Variants in VKORC1L1 observed in about 807,000 individuals in gnomAD.
VKORC1L1 encodes the protein vitamin K epoxide reductase complex subunit 1L1.
In VKORC1L1, 2 loss-of-function variants were observed where a neutral mutation model predicts 18.9. The observed-to-expected ratio is 0.11, with a 90% confidence interval of 0.04 to 0.33. The LOEUF is 0.33. Ranked by LOEUF, VKORC1L1 falls within the 10% of genes least tolerant of loss-of-function variation. The pLI, the probability that VKORC1L1 is intolerant of heterozygous loss-of-function variation, is 1.00. For synonymous variants in VKORC1L1, 96 were observed against 100.0 expected, an observed-to-expected ratio of 0.96 and a Z score of 0.24; for missense variants, 123 against 224.1, an observed-to-expected ratio of 0.55 and a Z score of 2.88.
At chr7:65,910,206 C>A (rs1180797877) in intron 1 of VKORC1L1, among the ~76,000 whole-genome samples, 1 of 152,124 alleles carries the variant, frequency 6.6e-6, no homozygotes, top group African/African-American at 2.4e-5. Flanking sequence ...CTCCTCAGTA[C>A]CATTGTTTTA....
chr7:65,897,299 A>T (rs1789230471), intron 1 of VKORC1L1, among the ~76,000 whole-genome samples: 2 of 152,324 alleles, frequency 1.3e-5, no homozygotes, highest in South Asian at 2.1e-4. Flanking sequence ...AAAGCATTTT[A>T]AAAATACCCG....
At chr7:65,935,850 A>G (rs1368135423) in intron 1 of VKORC1L1, among the ~76,000 whole-genome samples, 1 of 152,050 alleles carries the variant, frequency 6.6e-6, no homozygotes, top group Non-Finnish European at 1.5e-5. Flanking sequence ...CTATTTTTTC[A>G]TACCTTTTTG....
rs548591072 is a variant in VKORC1L1 at position 65,922,190 on chromosome 7, G to A, written c.195-26481G>A. Reference sequence around the variant, plus strand: ...TCCACAAGACATTTTGTTTGACATAGTATTCATTTAGTCTCCCTCGTATTT... The same window carrying A: ...TCCACAAGACATTTTGTTTGACATAATATTCATTTAGTCTCCCTCGTATTT... On this transcript the variant is annotated intron_variant, in intron 1 of 2. Transcript: ENST00000360768. 2.0e-4 allele frequency among the ~76,000 whole-genome samples: 30 copies of A among 151,376 alleles called. 1 individual carries two copies. The South Asian group carries it at 6.3e-3, about 32-fold the overall frequency.
intron 1 of VKORC1L1, among the ~76,000 whole-genome samples, chr7:65,934,864 C>T (rs1415832065): frequency 2.0e-5 from 3 of 152,100 alleles, no homozygotes; most frequent in African/African-American, 7.2e-5. Flanking sequence ...ACCAGCCTTG[C>T]CAACATAGTG....
chr7:65,890,657 A>G (rs1032678167), intron 1 of VKORC1L1, among the ~76,000 whole-genome samples: 19 of 152,226 alleles, frequency 1.2e-4, no homozygotes, highest in Admixed American at 9.2e-4. Flanking sequence ...CTTCAGTTTT[A>G]CTTGGTAATG....
intron 1 of VKORC1L1, among the ~76,000 whole-genome samples, chr7:65,919,568 G>A (rs1040740218): frequency 6.6e-6 from 1 of 152,048 alleles, no homozygotes; most frequent in African/African-American, 2.4e-5. Context: ...TCCAGTCTGC[G>A]AGCAAGTCTT....
chr7:65,944,514 G>C (rs1039805124), intron 1 of VKORC1L1, among the ~76,000 whole-genome samples: 1 of 151,988 alleles, frequency 6.6e-6, no homozygotes, highest in African/African-American at 2.4e-5. Context: ...TGTTTTTATA[G>C]TACCCTTTCT....
chr7:65,900,804 A>C (rs1488932784), intron 1 of VKORC1L1, among the ~76,000 whole-genome samples: 1 of 152,166 alleles, frequency 6.6e-6, no homozygotes, highest in Non-Finnish European at 1.5e-5. Flanking sequence ...GACTCTGCTA[A>C]AAATAATAAT....
rs1263422607 is a variant in VKORC1L1 at position 65,959,138 on chromosome 7, A to G, written c.*4838A>G. On this transcript the variant is annotated 3_prime_UTR_variant, in exon 3 of 3. Coordinates refer to ENST00000360768, the MANE Select transcript of VKORC1L1 (RefSeq NM_173517.6). ...GGCCAACATGGTGAAACCTGCCTCT[A>G]CTGAAAAATACAGAAAAATTAGCCA... 2.0e-5 allele frequency: 3 copies of G among 151,978 alleles called. No homozygotes were observed. Among genetic ancestry groups the G allele is most frequent in the South Asian group, 2.1e-4 (1 of 4,812 alleles). The allele number at this position is 151,978 out of a possible 1,614,324, so 9.4% of individuals were successfully genotyped here. A position where few individuals can be genotyped will look rare whatever the true frequency, so the allele number is the denominator to read the frequency against.
chr7:65,902,029 G>T (rs1250871550), intron 1 of VKORC1L1, among the ~76,000 whole-genome samples: 1 of 152,126 alleles, frequency 6.6e-6, no homozygotes, highest in Non-Finnish European at 1.5e-5. Flanking sequence ...CCGATTTAAA[G>T]AATCTTACCT....
At chr7:65,902,072 G>A (rs1055458826) in intron 1 of VKORC1L1, among the ~76,000 whole-genome samples, 126 of 152,090 alleles carry the variant, frequency 8.3e-4, no homozygotes, top group African/African-American at 3.0e-3. Flanking sequence ...CCTATTTAAA[G>A]AAAAACACAA....
intron 1 of VKORC1L1, among the ~76,000 whole-genome samples, chr7:65,878,727 AC>A (rs1471241529): frequency 1.3e-5 from 2 of 151,988 alleles, no homozygotes; most frequent in Admixed American, 6.6e-5. Flanking sequence ...ACATGGTGAA[AC>A]CCCGTCTCTA....
chr7:65,930,902 C>G (rs987132623), intron 1 of VKORC1L1, among the ~76,000 whole-genome samples: 1 of 152,142 alleles, frequency 6.6e-6, no homozygotes. Flanking sequence ...AAAATTGCCT[C>G]TCTTCCTAGC....
chr7:65,910,280 A>G lies in VKORC1L1; in HGVS notation c.194+36715A>G, dbSNP rs569506401. Among the ~76,000 whole-genome samples the G allele has an allele frequency of 2.2e-4, 33 of 152,334 alleles. No homozygotes were observed. The South Asian group carries it at 6.8e-3, about 32-fold the overall frequency. Reference sequence around the variant, plus strand: ...CCTTTTCTATTAGCACATAATAAAGACAATAATCATTAATATGTATTTGCA... The same window carrying G: ...CCTTTTCTATTAGCACATAATAAAGGCAATAATCATTAATATGTATTTGCA... On this transcript the variant is annotated intron_variant, in intron 1 of 2. Transcript: ENST00000360768.
At chr7:65,937,364 C>G (rs1789961297) in intron 1 of VKORC1L1, among the ~76,000 whole-genome samples, 1 of 152,166 alleles carries the variant, frequency 6.6e-6, no homozygotes, top group Admixed American at 6.5e-5. Flanking sequence ...TCCATTTTAT[C>G]CAGCACTGGA....
intron 1 of VKORC1L1, among the ~76,000 whole-genome samples, chr7:65,911,667 A>C (rs1789504881): frequency 6.6e-6 from 1 of 152,216 alleles, no homozygotes; most frequent in South Asian, 2.1e-4. Flanking sequence ...TCCTGGGCTC[A>C]AGCAGTCCTC....
intron 1 of VKORC1L1, among the ~76,000 whole-genome samples, chr7:65,895,472 AAAAAAAAAATATATATATATAT>A (rs1322947619): frequency 1.1e-3 from 58 of 50,594 alleles, no homozygotes; most frequent in East Asian, 4.8e-3. Flanking sequence ...AAAAAAAAAA[AAAAAAAAAATATATATATATAT>A]ATATATATAT....
At chr7:65,922,570 C>T (rs1180485650) in intron 1 of VKORC1L1, among the ~76,000 whole-genome samples, 1 of 152,190 alleles carries the variant, frequency 6.6e-6, no homozygotes, top group Non-Finnish European at 1.5e-5. Context: ...AGGCGTGAGC[C>T]ACTGCGCCTG....
chr7:65,878,270 AC>A (rs1355480883), intron 1 of VKORC1L1, among the ~76,000 whole-genome samples: 2 of 151,600 alleles, frequency 1.3e-5, no homozygotes, highest in African/African-American at 4.9e-5. Flanking sequence ...ATATGGTGAA[AC>A]CCCTTGTCTA....
Sources: gnomAD v4.1 joint callset for allele counts (sites outside exome capture counted in the v4.1 genomes callset) on GRCh38, gnomAD v4.1.1 for gene constraint, MANE v1.5 for transcripts, NCBI Gene and HGNC (gene_info 2026-07-23, HGNC 2026-07-21) for gene names.